The following FAM120A variants were observed in gnomAD, a reference collection of about 807,000 sequenced individuals.
FAM120A encodes constitutive coactivator of PPAR-gamma-like protein 1.
In FAM120A, 15 loss-of-function variants were observed where a neutral mutation model predicts 109.7. That is an observed-to-expected ratio of 0.14 (90% CI 0.09 to 0.21). The LOEUF is 0.21. Ranked by LOEUF, FAM120A falls within the 10% of genes least tolerant of loss-of-function variation. The pLI, the probability that FAM120A is intolerant of heterozygous loss-of-function variation, is 1.00. For missense variants in FAM120A, 899 were observed against 1,439.3 expected (o/e 0.62, Z 6.07); for synonymous variants, 493 against 572.8 (o/e 0.86, Z 1.99).
At chr9:93,531,332 A>G (rs1387075665) in intron 9 of FAM120A, 1 of 152,252 alleles carries the variant, frequency 6.6e-6, no homozygotes, top group East Asian at 1.9e-4. Flanking sequence ...ATATATATCA[A>G]TGAACTTCAT....
At chr9:93,468,309 C>G (rs555150435) in intron 1 of FAM120A, among the ~76,000 whole-genome samples, 61 of 152,296 alleles carry the variant, frequency 4.0e-4, no homozygotes, top group Middle Eastern at 3.4e-3. Context: ...CAAACTGGGG[C>G]AGTTTTTAAT....
intron 1 of FAM120A, chr9:93,453,002 G>C (rs1003068292): frequency 8.0e-7 from 1 of 1,255,424 alleles, no homozygotes; most frequent in Non-Finnish European, 1.0e-6. Flanking sequence ...AGGGTGTTTA[G>C]AGAATCTTTC....
rs770719523 is a variant in FAM120A at position 93,476,241 on chromosome 9, A to C, written c.722-15A>C. 3.9e-6 allele frequency: 6 copies of C among 1,552,284 alleles called. No individual in the cohort carries two copies. Among genetic ancestry groups the C allele is most frequent in the Non-Finnish European group, 5.3e-6 (6 of 1,124,874 alleles). On this transcript the variant is annotated splice_polypyrimidine_tract_variant and intron_variant, in intron 2 of 17. Transcript: ENST00000277165. ...TAAGATGATTGCTTTTATGTTATCC[A>C]TGTTTATATTCCAGGAAATCACATT...
At chr9:93,526,780 C>T (rs562370865) in intron 7 of FAM120A, among the ~76,000 whole-genome samples, 3 of 152,336 alleles carry the variant, frequency 2.0e-5, no homozygotes, top group African/African-American at 7.2e-5. Context: ...ACATTTAAGT[C>T]TTCTACTACC....
At chr9:93,505,982 C>T (rs1860033694) in intron 5 of FAM120A, among the ~76,000 whole-genome samples, 1 of 152,200 alleles carries the variant, frequency 6.6e-6, no homozygotes, top group Admixed American at 6.5e-5. Context: ...CTATCCTCTT[C>T]TGACATGTTG....
In FAM120A at chr9:93,533,352, A is replaced by C. The variant is rs1295921712; in HGVS notation, c.1909+1023A>C. 2.0e-5 allele frequency among the ~76,000 whole-genome samples: 3 copies of C among 152,298 alleles called. No homozygotes were observed. In the East Asian group the frequency reaches 5.8e-4, roughly 29 times the overall value. ...CAAACTTGCAATCTGTAAGGCTTTA[A>C]AGTGAAGCAGTTCTCACTACCTTTC... is the stretch of plus-strand genomic sequence containing the variant. On this transcript the variant is annotated intron_variant, in intron 10 of 17. Coordinates refer to ENST00000277165, the MANE Select transcript of FAM120A (RefSeq NM_014612.5).
intron 2 of FAM120A, 123 bp downstream of exon 2, chr9:93,471,510 C>A: frequency 8.2e-7 from 1 of 1,216,288 alleles, no homozygotes; most frequent in Non-Finnish European, 1.2e-6. Flanking sequence ...AGAACCAAGG[C>A]GTGGGCTCTT....
chr9:93,539,944 T>G (rs1392509834), intron 10 of FAM120A, among the ~76,000 whole-genome samples: 1 of 152,256 alleles, frequency 6.6e-6, no homozygotes, highest in Non-Finnish European at 1.5e-5. Context: ...TGGATGTCCC[T>G]TGGAATTCTT....
intron 7 of FAM120A, among the ~76,000 whole-genome samples, chr9:93,520,788 A>AC (rs1456051634): frequency 6.6e-6 from 1 of 152,184 alleles, no homozygotes; most frequent in Non-Finnish European, 1.5e-5. Flanking sequence ...TGCTCTTGTA[A>AC]CCCCAAGTTC....
In FAM120A at chr9:93,532,022, A is replaced by G. The variant is rs1861348902; in HGVS notation, c.1735-133A>G. The stretch of plus-strand genomic sequence containing the variant: ...TCTTCCTAAACATCTTTATTTAGGC[A>G]AGTTGTTAAGCAGTTGATTTGGAAT... On this transcript the variant is annotated intron_variant, in intron 9 of 17. Transcript: ENST00000277165. This position sits in a 1 kb window ranked among gnomAD's most constrained non-coding sequence, Gnocchi z 4.3. 2 of 847,034 alleles carry G rather than the reference A, an allele frequency of 2.4e-6. No individual in the cohort carries two copies. Among genetic ancestry groups the G allele is most frequent in the Admixed American group, 4.8e-5 (2 of 41,836 alleles). 52.5% of individuals were successfully genotyped at this position (847,034 alleles called of 1,614,324 possible).
intron 10 of FAM120A, among the ~76,000 whole-genome samples, chr9:93,534,300 A>T (rs1034748331): frequency 3.9e-5 from 6 of 152,172 alleles, no homozygotes; most frequent in African/African-American, 1.4e-4. Context: ...AGGGCAGGCC[A>T]CAGCTTTCAT....
intron 7 of FAM120A, among the ~76,000 whole-genome samples, chr9:93,522,414 G>A (rs1357220496): frequency 3.3e-5 from 5 of 152,142 alleles, no homozygotes; most frequent in African/African-American, 1.2e-4. Context: ...TCCTATCTTA[G>A]GGAGAGTAAC....
intron 7 of FAM120A, among the ~76,000 whole-genome samples, chr9:93,524,871 G>A (rs1175131321): frequency 1.3e-5 from 2 of 152,186 alleles, no homozygotes; most frequent in Admixed American, 6.5e-5. Context: ...GCCGGTGCCT[G>A]TCTCAGCACG....
Position 93,452,387 on chromosome 9 carries a change from A to C in FAM120A, c.472A>C (p.Lys158Gln). ...CCTGGCGCTCATCCGCTTCCACGTCAAGGTGAGGCCGGGGATCCGGGCGGG... is the reference window on the plus strand; with the variant it reads ...CCTGGCGCTCATCCGCTTCCACGTCCAGGTGAGGCCGGGGATCCGGGCGGG... ...IRLALIRFHV[K>Q]VAQSIEDHHQ... The change falls in exon 1 of 18, where the codon AAG becomes CAG. Residue 158 changes from lysine to glutamine, a missense_variant and splice_region_variant. Physicochemically the swap from Lys to Gln is moderately conservative, Grantham distance 53. Around this residue, in one of 11 missense-constraint regions of FAM120A, gnomAD observed 258 missense variants for 451.4 expected, o/e 0.57. Transcript: ENST00000277165. This position sits in a 1 kb window ranked among gnomAD's most constrained non-coding sequence, Gnocchi z 7.0. The C allele has an allele frequency of 6.2e-7, 1 of 1,606,832 alleles. No homozygotes were observed. Among genetic ancestry groups the C allele is most frequent in the Non-Finnish European group, 8.5e-7 (1 of 1,177,376 alleles).
intron 5 of FAM120A, among the ~76,000 whole-genome samples, chr9:93,510,293 T>G (rs929244388): frequency 6.6e-6 from 1 of 152,226 alleles, no homozygotes; most frequent in Non-Finnish European, 1.5e-5. Context: ...TTTTGGAAGG[T>G]CATTTTTATT....
At chr9:93,476,592 A>G (rs901349489) in intron 3 of FAM120A, among the ~76,000 whole-genome samples, 8 of 152,216 alleles carry the variant, frequency 5.3e-5, no homozygotes, top group African/African-American at 1.9e-4. Context: ...TGTGCTGTGT[A>G]CCTAGATAGA....
At position 93,564,721 on chromosome 9, in the gene FAM120A, A is replaced by G; in HGVS notation, c.*181A>G. On this transcript the variant is annotated 3_prime_UTR_variant, in exon 18 of 18. Coordinates refer to ENST00000277165, the MANE Select transcript of FAM120A (RefSeq NM_014612.5). ...AAACAACACATTTTTAGTTTTAACC[A>G]GTTGTAGTCAAAATGCTACAATAAA... 1 of 515,724 alleles carries G rather than the reference A, an allele frequency of 1.9e-6. No homozygotes were observed. Among genetic ancestry groups the G allele is most frequent in the East Asian group, 3.1e-5 (1 of 32,456 alleles). The allele number at this position is 515,724 out of a possible 1,614,324, so 31.9% of individuals were successfully genotyped here. A position where few individuals can be genotyped will look rare whatever the true frequency, so the allele number is the denominator to read the frequency against.
chr9:93,484,770 C>T (rs535508769), intron 3 of FAM120A, among the ~76,000 whole-genome samples: 4 of 152,220 alleles, frequency 2.6e-5, no homozygotes, highest in East Asian at 3.9e-4. Flanking sequence ...GATGGGGTTT[C>T]GCCATGTTGG....
In FAM120A at chr9:93,452,452, C is replaced by G; in HGVS notation, c.474+63C>G. On this transcript the variant is annotated intron_variant, in intron 1 of 17. Transcript: ENST00000277165. This position sits in a 1 kb window ranked among gnomAD's most constrained non-coding sequence, Gnocchi z 7.0. ...CGCGCCGCACCCCTATCCCCCTTCC[C>G]AGGGCGCAGAATGTCGCCCGGCCGT... 5 of 1,555,070 alleles carry G rather than the reference C, an allele frequency of 3.2e-6. No homozygotes were observed. Among genetic ancestry groups the G allele is most frequent in the Non-Finnish European group, 3.5e-6 (4 of 1,152,878 alleles).
Sources: gnomAD v4.1 joint callset for allele counts (sites outside exome capture counted in the v4.1 genomes callset) on GRCh38, gnomAD v4.1.1 for gene constraint, gnomAD v4.1.1 regional missense constraint, Gnocchi (gnomAD v3.1) non-coding constraint, MANE v1.5 for transcripts, NCBI Gene and HGNC (gene_info 2026-07-23, HGNC 2026-07-21) for gene names.